The following ZMYND11 variants were observed in gnomAD, a reference collection of about 807,000 sequenced individuals.
The protein encoded by ZMYND11 is zinc finger MYND-type containing 11.
A neutral mutation model predicts 84.9 loss-of-function variants in ZMYND11; 9 were observed. The ratio of observed to expected loss-of-function variants is 0.11; its 90% CI spans 0.06 to 0.18. The LOEUF (loss-of-function observed/expected upper bound fraction) is 0.18. ZMYND11 is among the 10% of genes least tolerant of loss of function. The pLI, the probability that ZMYND11 is intolerant of heterozygous loss-of-function variation, is 1.00. For missense variants in ZMYND11, 409 were observed against 761.0 expected (o/e 0.54, Z 5.44); for synonymous variants, 250 against 244.1 (o/e 1.02, Z -0.23).
At chr10:162,170 A>G (rs947286810) in intron 1 of ZMYND11, among the ~76,000 whole-genome samples, 4 of 152,182 alleles carry the variant, frequency 2.6e-5, no homozygotes, top group Admixed American at 1.3e-4. Flanking sequence ...AGGGAGATAG[A>G]TGGGAGAATG....
intron 2 of ZMYND11, among the ~76,000 whole-genome samples, chr10:202,434 C>G (rs1035825875): frequency 2.0e-5 from 3 of 152,186 alleles, no homozygotes; most frequent in African/African-American, 7.2e-5. Flanking sequence ...CTTGACACAA[C>G]CATTATAAAT....
intron 3 of ZMYND11, among the ~76,000 whole-genome samples, chr10:211,737 A>C (rs1945278476): frequency 6.6e-6 from 1 of 152,224 alleles, no homozygotes; most frequent in Non-Finnish European, 1.5e-5. Flanking sequence ...GTGCACTGGA[A>C]GTATTCTTGA....
intron 3 of ZMYND11, among the ~76,000 whole-genome samples, chr10:215,279 T>C (rs1945983742): frequency 6.6e-6 from 1 of 151,754 alleles, no homozygotes; most frequent in South Asian, 2.1e-4. Context: ...TTGTCATAGT[T>C]AATGCCAGGA....
chr10:239,038 T>A (rs1950457296), intron 6 of ZMYND11, among the ~76,000 whole-genome samples: 1 of 152,176 alleles, frequency 6.6e-6, no homozygotes, highest in Non-Finnish European at 1.5e-5. Context: ...AACAGTTCTG[T>A]TTTCAATCTC....
chr10:246,530 C>A (rs1952196964), intron 10 of ZMYND11, among the ~76,000 whole-genome samples: 1 of 152,168 alleles, frequency 6.6e-6, no homozygotes, highest in Non-Finnish European at 1.5e-5. Flanking sequence ...AAACAAATCT[C>A]ATTTATTTTC....
chr10:137,782 C>T (rs1722107053), intron 1 of ZMYND11, among the ~76,000 whole-genome samples: 1 of 152,124 alleles, frequency 6.6e-6, no homozygotes, highest in Non-Finnish European at 1.5e-5. Context: ...TTTTGGTTGA[C>T]TCATCTTTAT....
rs1471163628 is a variant in ZMYND11, at chr10:239,430, C to T, written c.610-8C>T. The stretch of plus-strand genomic sequence containing the variant: ...TCTTTTCGTCATTCTGTTTTTTGCC[C>T]TCTGCAGAAAGTGAATGAAGGGAAA... On this transcript the variant is annotated splice_region_variant and splice_polypyrimidine_tract_variant and intron_variant, in intron 6 of 14. Transcript: ENST00000381604. The T allele has an allele frequency of 1.9e-6, 3 of 1,608,774 alleles. No individual in the cohort carries two copies. Among genetic ancestry groups the T allele is most frequent in the South Asian group, 1.1e-5 (1 of 89,350 alleles).
intron 1 of ZMYND11, among the ~76,000 whole-genome samples, chr10:177,679 A>AT (rs1421914129): frequency 6.6e-6 from 1 of 152,042 alleles, no homozygotes; most frequent in Admixed American, 6.5e-5. Context: ...GCTTTGCTGT[A>AT]TTTTTTATAG....
intron 2 of ZMYND11, among the ~76,000 whole-genome samples, chr10:204,117 G>T (rs952438674): frequency 2.0e-5 from 3 of 152,022 alleles, no homozygotes; most frequent in Non-Finnish European, 4.4e-5. Flanking sequence ...GTGTGGTTTT[G>T]TTGTCCATAT....
intron 10 of ZMYND11, 100 bp downstream of exon 10, chr10:242,239 AATTGGAAAAAAAAAACAC>A: frequency 6.8e-7 from 1 of 1,470,952 alleles, no homozygotes; most frequent in African/African-American, 1.5e-5. Context: ...GTTTATTTTA[AATTGGAAAAAAAAAACAC>A]ATTATGCATC....
chr10:208,453 A>G (rs974819371), intron 2 of ZMYND11, among the ~76,000 whole-genome samples: 4 of 152,224 alleles, frequency 2.6e-5, no homozygotes, highest in African/African-American at 9.6e-5. Flanking sequence ...CAAGAAAAAA[A>G]CAAATAACCC....
At chr10:234,262 G>A (rs767780007) in intron 4 of ZMYND11, among the ~76,000 whole-genome samples, 1 of 152,176 alleles carries the variant, frequency 6.6e-6, no homozygotes, top group Non-Finnish European at 1.5e-5. Flanking sequence ...AGCGCACGGC[G>A]CCTTGAGACA....
At chr10:197,063 T>C (rs2131012337) in intron 2 of ZMYND11, among the ~76,000 whole-genome samples, 1 of 150,998 alleles carries the variant, frequency 6.6e-6, no homozygotes, top group African/African-American at 2.5e-5. Flanking sequence ...GCGCAATGTG[T>C]TCATGTATGT....
At chr10:217,963 T>A (rs956010687) in intron 3 of ZMYND11, among the ~76,000 whole-genome samples, 1 of 152,200 alleles carries the variant, frequency 6.6e-6, no homozygotes, top group African/African-American at 2.4e-5. Flanking sequence ...TACTAGATTC[T>A]GAGGACAGCC....
chr10:173,156 TAGG>T (rs1176841919), intron 1 of ZMYND11, among the ~76,000 whole-genome samples: 1 of 152,170 alleles, frequency 6.6e-6, no homozygotes, highest in East Asian at 1.9e-4. Context: ...GGCAATAGCA[TAGG>T]AGGAAACCTA....
intron 3 of ZMYND11, chr10:218,551 G>T: frequency 3.4e-6 from 1 of 291,686 alleles, no homozygotes; most frequent in East Asian, 1.2e-4. Flanking sequence ...TTTATTTTTT[G>T]TATTGTAGTT....
chr10:173,053 A>C (rs895438054), intron 1 of ZMYND11, among the ~76,000 whole-genome samples: 76 of 152,156 alleles, frequency 5.0e-4, no homozygotes, highest in African/African-American at 1.5e-3. Context: ...AAAAAAGAAG[A>C]ATCATCTAGG....
chr10:196,793 C>G (rs1032345070), intron 2 of ZMYND11, among the ~76,000 whole-genome samples: 1 of 152,142 alleles, frequency 6.6e-6, no homozygotes, highest in African/African-American at 2.4e-5. Context: ...ATGTTTTCAA[C>G]TGGCAAACAG....
chr10:222,159 T>C (rs1457128037), intron 4 of ZMYND11, among the ~76,000 whole-genome samples: 1 of 152,224 alleles, frequency 6.6e-6, no homozygotes, highest in East Asian at 1.9e-4. Flanking sequence ...ATTTCCAGTT[T>C]GTTAATATGC....
Sources: gnomAD v4.1 joint callset for allele counts (sites outside exome capture counted in the v4.1 genomes callset) on GRCh38, gnomAD v4.1.1 for gene constraint, MANE v1.5 for transcripts, NCBI Gene and HGNC (gene_info 2026-07-23, HGNC 2026-07-21) for gene names.